The following LRRC7 variants were observed in gnomAD, a reference collection of about 807,000 sequenced individuals.
LRRC7 encodes the protein leucine-rich repeat-containing protein 7.
Under a neutral mutation model 175.7 loss-of-function variants are expected in LRRC7, and 23 were observed. The observed-to-expected ratio is 0.13, with a 90% CI of 0.09 to 0.19. The LOEUF (loss-of-function observed/expected upper bound fraction) is 0.19, where lower values mean the gene tolerates loss of function less well. Among genes scored for constraint, LRRC7 ranks in the 10% least tolerant of loss-of-function variants. LRRC7 has a pLI of 1.00. For synonymous variants in LRRC7, 685 were observed against 680.9 expected, an observed-to-expected ratio of 1.01 and a Z score of -0.09; for missense variants, 1,354 against 1,904.7, an observed-to-expected ratio of 0.71 and a Z score of 5.38.
intron 2 of LRRC7, among the ~76,000 whole-genome samples, chr1:69,736,470 G>A (rs1301954826): frequency 6.6e-6 from 1 of 152,042 alleles, no homozygotes; most frequent in Non-Finnish European, 1.5e-5. Context: ...ATGACAAAGA[G>A]ACATTTTTAT....
At chr1:69,983,344 A>G (rs1653627869) in intron 9 of LRRC7, among the ~76,000 whole-genome samples, 1 of 152,154 alleles carries the variant, frequency 6.6e-6, no homozygotes, top group Non-Finnish European at 1.5e-5. Context: ...GTGCCCTCCA[A>G]ATGGACTTTG....
intron 2 of LRRC7, among the ~76,000 whole-genome samples, chr1:69,755,509 T>C (rs1439446202): frequency 6.6e-6 from 1 of 150,960 alleles, no homozygotes; most frequent in Non-Finnish European, 1.5e-5. Flanking sequence ...TATATATATT[T>C]ATATAAATGC....
At chr1:70,102,131 G>A (rs1558070345) in intron 25 of LRRC7, among the ~76,000 whole-genome samples, 1 of 152,122 alleles carries the variant, frequency 6.6e-6, no homozygotes, top group Non-Finnish European at 1.5e-5. Context: ...TACTATAAAG[G>A]GTTGATACTC....
At chr1:69,668,371 C>A (rs918264020) in intron 1 of LRRC7, among the ~76,000 whole-genome samples, 15 of 152,210 alleles carry the variant, frequency 9.9e-5, no homozygotes, top group African/African-American at 3.6e-4. Context: ...GTTCAACTCC[C>A]ACTTATAAGT....
chr1:70,008,720 A>C (rs558192149), intron 11 of LRRC7, among the ~76,000 whole-genome samples: 1 of 152,184 alleles, frequency 6.6e-6, no homozygotes, highest in Non-Finnish European at 1.5e-5. Flanking sequence ...AGCATTATCC[A>C]ATAGTTGTAG....
At chr1:69,807,763 C>T (rs895707472) in intron 4 of LRRC7, among the ~76,000 whole-genome samples, 4 of 151,948 alleles carry the variant, frequency 2.6e-5, no homozygotes, top group Non-Finnish European at 4.4e-5. Context: ...GTGGTTCAGA[C>T]AATTATGTGT....
intron 3 of LRRC7, among the ~76,000 whole-genome samples, chr1:69,765,441 C>A (rs1671518317): frequency 6.6e-6 from 1 of 152,044 alleles, no homozygotes; most frequent in Non-Finnish European, 1.5e-5. Context: ...TTCAACTTTC[C>A]ACCCAATGCA....
chr1:69,578,362 A>T (rs1233566860), intron 1 of LRRC7, among the ~76,000 whole-genome samples: 1 of 148,934 alleles, frequency 6.7e-6, no homozygotes, highest in Non-Finnish European at 1.5e-5. Flanking sequence ...AACTAGTTCA[A>T]CCCTTGTGGA....
chr1:69,748,969 C>A (rs12042844), intron 2 of LRRC7, among the ~76,000 whole-genome samples: 87,996 of 151,900 alleles, frequency 0.58, 27,227 homozygotes, highest in East Asian at 0.89. Flanking sequence ...TTTCTTCATG[C>A]TGCTCTTGGG....
intron 2 of LRRC7, among the ~76,000 whole-genome samples, chr1:69,704,278 CAAAAT>C (rs936019321): frequency 1.3e-5 from 2 of 151,742 alleles, no homozygotes; most frequent in African/African-American, 4.8e-5. Context: ...ACAATTATAA[CAAAAT>C]AAAATGTCTG....
At chr1:70,084,315 C>T (rs889034008) in intron 24 of LRRC7, among the ~76,000 whole-genome samples, 1 of 152,166 alleles carries the variant, frequency 6.6e-6, no homozygotes. Flanking sequence ...TGAGCAGTCA[C>T]TTTCCATACT....
intron 7 of LRRC7, among the ~76,000 whole-genome samples, chr1:69,862,898 TC>T (rs1684517082): frequency 6.6e-6 from 1 of 151,746 alleles, no homozygotes; most frequent in South Asian, 2.1e-4. Flanking sequence ...ATTGTTCAAC[TC>T]CCACTTATGC....
At chr1:70,103,718 T>A (rs1664956045) in intron 25 of LRRC7, among the ~76,000 whole-genome samples, 1 of 152,170 alleles carries the variant, frequency 6.6e-6, no homozygotes, top group Non-Finnish European at 1.5e-5. Context: ...CTAATATATA[T>A]TGCCTTATTG....
At chr1:69,615,457 G>A (rs1649460478) in intron 1 of LRRC7, among the ~76,000 whole-genome samples, 1 of 151,634 alleles carries the variant, frequency 6.6e-6, no homozygotes, top group Non-Finnish European at 1.5e-5. Flanking sequence ...CCATCTTGAG[G>A]GAAAAAAAGC....
At chr1:69,694,420 C>A (rs186567665) in intron 2 of LRRC7, among the ~76,000 whole-genome samples, 1 of 152,238 alleles carries the variant, frequency 6.6e-6, no homozygotes, top group Non-Finnish European at 1.5e-5. Context: ...GCTGATTTTC[C>A]CTGATTTTTT....
intron 7 of LRRC7, among the ~76,000 whole-genome samples, chr1:69,890,023 C>G (rs1357245049): frequency 6.6e-6 from 1 of 152,176 alleles, no homozygotes; most frequent in African/African-American, 2.4e-5. Flanking sequence ...TCTTAAACCC[C>G]TCAAAGTCAT....
intron 1 of LRRC7, among the ~76,000 whole-genome samples, chr1:69,648,488 A>G (rs1467341412): frequency 1.3e-5 from 2 of 152,098 alleles, no homozygotes; most frequent in Non-Finnish European, 2.9e-5. Flanking sequence ...TTCTGGCTGC[A>G]ATTAACCAGT....
At position 70,126,723 on chromosome 1, in the gene LRRC7, T is replaced by G. The variant is rs1382468952; in HGVS notation, c.*4836T>G. Among the ~76,000 whole-genome samples, 1 of 152,188 alleles carries G rather than the reference T, an allele frequency of 6.6e-6. No individual in the cohort carries two copies. Among genetic ancestry groups the G allele is most frequent in the Non-Finnish European group, 1.5e-5 (1 of 68,028 alleles). ...GGTCACTATTACAGGAGATCCTGAG[T>G]GTCAGCTCCATTTTGATCTAAACTG... On this transcript the variant is annotated 3_prime_UTR_variant, in exon 27 of 27. Coordinates refer to ENST00000651989, the MANE Select transcript of LRRC7 (RefSeq NM_001370785.2).
chr1:69,882,973 A>G (rs1418866574), intron 7 of LRRC7, among the ~76,000 whole-genome samples: 1 of 151,970 alleles, frequency 6.6e-6, no homozygotes, highest in African/African-American at 2.4e-5. Context: ...ATAGTATTCC[A>G]TGGTGTATAT....
Sources: gnomAD v4.1 joint callset for allele counts (sites outside exome capture counted in the v4.1 genomes callset) on GRCh38, gnomAD v4.1.1 for gene constraint, MANE v1.5 for transcripts, NCBI Gene and HGNC (gene_info 2026-07-23, HGNC 2026-07-21) for gene names.